Variants in NKAIN2 observed in about 807,000 individuals in gnomAD.
NKAIN2 encodes the protein sodium/potassium transporting ATPase interacting 2.
A neutral mutation model predicts 32.6 loss-of-function variants in NKAIN2; 14 were observed. The observed-to-expected ratio is 0.43, with a 90% CI of 0.28 to 0.67. The LOEUF (loss-of-function observed/expected upper bound fraction) is 0.67. Among genes scored for constraint, NKAIN2 ranks in the 30% least tolerant of loss-of-function variants. The pLI is 0.17. For missense variants in NKAIN2, 198 were observed against 258.3 expected, an observed-to-expected ratio of 0.77 and a Z score of 1.60; for synonymous variants, 80 against 87.2, an observed-to-expected ratio of 0.92 and a Z score of 0.46.
intron 3 of NKAIN2, among the ~76,000 whole-genome samples, chr6:124,473,528 A>C (rs1583303623): frequency 6.6e-6 from 1 of 152,290 alleles, no homozygotes; most frequent in African/African-American, 2.4e-5. Context: ...ATGTAGGCAA[A>C]GTCTTACAAA....
At chr6:123,847,168 G>A (rs1775129555) in intron 1 of NKAIN2, among the ~76,000 whole-genome samples, 1 of 152,148 alleles carries the variant, frequency 6.6e-6, no homozygotes, top group Non-Finnish European at 1.5e-5. Context: ...TAATGAACAT[G>A]TACCAAAGGA....
chr6:124,460,133 A>G (rs1455014156), intron 3 of NKAIN2, among the ~76,000 whole-genome samples: 1 of 151,744 alleles, frequency 6.6e-6, no homozygotes, highest in African/African-American at 2.4e-5. Context: ...ATTATTGGAA[A>G]TGTAGAGTTC....
rs574812060 is a variant in NKAIN2, at chr6:123,830,760, G to A, written c.54+26506G>A. Among the ~76,000 whole-genome samples, 34 of 152,288 alleles carry A rather than the reference G, an allele frequency of 2.2e-4. No individual in the cohort carries two copies. In the South Asian group the frequency reaches 6.8e-3, roughly 31 times the overall value. ...CCACTGGATTTTGTATATTCAGTAA[G>A]CAGGGATTGTGTTTTGCTCAATTTT... On this transcript the variant is annotated intron_variant, in intron 1 of 6. Coordinates refer to ENST00000368417, the MANE Select transcript of NKAIN2 (RefSeq NM_001040214.3).
chr6:123,940,342 A>G (rs925971109), intron 1 of NKAIN2, among the ~76,000 whole-genome samples: 2 of 151,352 alleles, frequency 1.3e-5, no homozygotes, highest in African/African-American at 4.9e-5. Context: ...GTGTATATAT[A>G]TATATGTGTA....
At chr6:124,437,871 GATT>G (rs1775520019) in intron 3 of NKAIN2, 2 of 345,724 alleles carry the variant, frequency 5.8e-6, no homozygotes, top group African/African-American at 2.9e-5. Context: ...CTGATCTATT[GATT>G]TTTTTTTTTT....
intron 4 of NKAIN2, among the ~76,000 whole-genome samples, chr6:124,697,072 G>A (rs770139383): frequency 6.6e-6 from 1 of 151,932 alleles, no homozygotes; most frequent in South Asian, 2.1e-4. Flanking sequence ...AATATTAATC[G>A]TTTTTCCCCA....
chr6:124,700,730 G>C (rs1244316519), intron 4 of NKAIN2, among the ~76,000 whole-genome samples: 1 of 151,914 alleles, frequency 6.6e-6, no homozygotes, highest in Non-Finnish European at 1.5e-5. Context: ...TGAACCTAGA[G>C]AGAAAAATAC....
intron 1 of NKAIN2, among the ~76,000 whole-genome samples, chr6:123,909,025 A>C (rs1230180670): frequency 1.3e-5 from 2 of 152,174 alleles, no homozygotes; most frequent in Non-Finnish European, 2.9e-5. Flanking sequence ...ACAGTAATTA[A>C]CCTGACTCAT....
chr6:124,428,107 CTA>C (rs1178096489), intron 3 of NKAIN2, among the ~76,000 whole-genome samples: 1 of 151,976 alleles, frequency 6.6e-6, no homozygotes, highest in Non-Finnish European at 1.5e-5. Flanking sequence ...CCATGAATAA[CTA>C]AAAAAATAGA....
chr6:124,242,886 C>G (rs1322695598), intron 1 of NKAIN2, among the ~76,000 whole-genome samples: 1 of 135,080 alleles, frequency 7.4e-6, no homozygotes, highest in South Asian at 2.3e-4. Context: ...GGGGGCATGT[C>G]AGGGGCTGGG....
At chr6:123,978,487 T>C (rs919597062) in intron 1 of NKAIN2, among the ~76,000 whole-genome samples, 1 of 152,156 alleles carries the variant, frequency 6.6e-6, no homozygotes, top group African/African-American at 2.4e-5. Flanking sequence ...AATTCATACA[T>C]CAAAAGAGTC....
At chr6:124,505,370 T>C (rs1342391221) in intron 3 of NKAIN2, among the ~76,000 whole-genome samples, 1 of 152,142 alleles carries the variant, frequency 6.6e-6, no homozygotes, top group African/African-American at 2.4e-5. Context: ...CTCTAACAAA[T>C]TCACTGTATT....
chr6:124,485,942 G>T (rs1777632207), intron 3 of NKAIN2, among the ~76,000 whole-genome samples: 1 of 152,128 alleles, frequency 6.6e-6, no homozygotes, highest in African/African-American at 2.4e-5. Context: ...AGCCTTCGAG[G>T]TGTGAATTTC....
At chr6:124,507,189 G>A (rs1044869398) in intron 3 of NKAIN2, among the ~76,000 whole-genome samples, 1 of 152,178 alleles carries the variant, frequency 6.6e-6, no homozygotes, top group African/African-American at 2.4e-5. Flanking sequence ...CAAAGTACGC[G>A]AGGGTTTGTT....
rs147176303 is a variant in NKAIN2, at chr6:124,107,921, C to T, written c.55-175084C>T. On this transcript the variant is annotated intron_variant, in intron 1 of 6. Transcript: ENST00000368417. ...ATGTATATCACATGTTTTTCCTACT[C>T]ATCCATCAATGGACCTTTAAGCTGT... 3.2e-3 allele frequency among the ~76,000 whole-genome samples: 482 copies of T among 152,204 alleles called. 1 individual carries two copies. The highest frequency in any genetic ancestry group is 0.011 in the African/African-American group (444 of 41,536).
intron 4 of NKAIN2, among the ~76,000 whole-genome samples, chr6:124,690,090 C>A (rs1774186240): frequency 2.6e-5 from 4 of 152,122 alleles, no homozygotes; most frequent in African/African-American, 9.7e-5. Flanking sequence ...ATGAACATGG[C>A]ATATTTCTCC....
intron 3 of NKAIN2, among the ~76,000 whole-genome samples, chr6:124,581,995 A>G (rs1781541074): frequency 1.3e-5 from 2 of 152,288 alleles, no homozygotes; most frequent in Admixed American, 1.3e-4. Context: ...CAAAATTGGT[A>G]ACAGAAAAGA....
At chr6:123,881,734 C>T (rs1773463136) in intron 1 of NKAIN2, among the ~76,000 whole-genome samples, 1 of 152,100 alleles carries the variant, frequency 6.6e-6, no homozygotes, top group Admixed American at 6.5e-5. Context: ...TAGGATAGCT[C>T]TCTGATGACT....
chr6:124,103,964 A>G (rs1211449360), intron 1 of NKAIN2, among the ~76,000 whole-genome samples: 1 of 152,106 alleles, frequency 6.6e-6, no homozygotes, highest in Non-Finnish European at 1.5e-5. Context: ...GCAGGAGCCT[A>G]TAGTCCCAGT....
Sources: allele counts gnomAD v4.1 joint callset (sites outside exome capture counted in the v4.1 genomes callset), GRCh38; gene constraint gnomAD v4.1.1; transcripts MANE v1.5; gene names NCBI Gene and HGNC (gene_info 2026-07-23, HGNC 2026-07-21).